FREM2: variants seen among roughly 807,000 people sequenced by gnomAD.
The protein encoded by FREM2 is FRAS1 related extracellular matrix 2.
FREM2 carries 119 observed loss-of-function variants against 219.9 expected under a neutral mutation model. The observed-to-expected ratio is 0.54, with a 90% confidence interval of 0.47 to 0.63. FREM2 has a LOEUF of 0.63. FREM2 is among the 30% of genes least tolerant of loss of function. The probability of loss-of-function intolerance (pLI) is 0.00; values close to 1 mark genes in which losing one functional copy is unlikely to be tolerated. For synonymous variants in FREM2, 1,562 were observed against 1,522.8 expected (o/e 1.03, Z -0.60); for missense variants, 4,030 against 3,993.6 (o/e 1.01, Z -0.25).
At chr13:38,840,075 C>T (rs746562114) in intron 6 of FREM2, among the ~76,000 whole-genome samples, 1 of 152,110 alleles carries the variant, frequency 6.6e-6, no homozygotes, top group Non-Finnish European at 1.5e-5. Flanking sequence ...AACTCAGGGC[C>T]CTGGTGGTAT....
intron 6 of FREM2, among the ~76,000 whole-genome samples, chr13:38,813,044 A>G (rs1243314403): frequency 4.6e-5 from 7 of 151,590 alleles, no homozygotes; most frequent in Non-Finnish European, 8.8e-5. Context: ...TACAGTTATT[A>G]TTTTTGATGG....
At chr13:38,765,424 A>G (rs1873398933) in intron 3 of FREM2, among the ~76,000 whole-genome samples, 2 of 152,220 alleles carry the variant, frequency 1.3e-5, no homozygotes, top group Admixed American at 6.5e-5. Context: ...GAGTGAGATT[A>G]TCAACTAAGG....
chr13:38,769,167 T>C (rs1873554693), intron 3 of FREM2, among the ~76,000 whole-genome samples: 1 of 152,208 alleles, frequency 6.6e-6, no homozygotes, highest in African/African-American at 2.4e-5. Flanking sequence ...TATTGGCTTA[T>C]ATTTTATAGT....
intron 9 of FREM2, 58 bp from the exon 10 acceptor site, chr13:38,850,886 T>G: frequency 6.3e-7 from 1 of 1,590,406 alleles, no homozygotes; most frequent in South Asian, 1.1e-5. Context: ...GTGCTCACAT[T>G]CTAGTTGTAG....
intron 1 of FREM2, among the ~76,000 whole-genome samples, chr13:38,695,167 A>G (rs1870054903): frequency 6.6e-6 from 1 of 152,214 alleles, no homozygotes; most frequent in Non-Finnish European, 1.5e-5. Flanking sequence ...TAAGAAAGCT[A>G]GACGTTATTA....
Position 38,689,008 on chromosome 13 carries a change from C to T in FREM2, c.1664C>T (p.Pro555Leu). Residue 555 changes from proline to leucine, a missense_variant, in exon 1 of 24, where the codon CCT (proline) becomes CTT (leucine). Transcript: ENST00000280481. ...VQFLFPITLV[P>L]VDDQPPVLNA... The stretch of plus-strand genomic sequence containing the variant: ...TTTCTGTTCCCCATCACCTTAGTGC[C>T]TGTGGATGACCAGCCACCTGTTCTC... 1.2e-6 allele frequency: 2 copies of T among 1,614,004 alleles called. No homozygotes were observed. Among genetic ancestry groups the T allele is most frequent in the South Asian group, 1.1e-5 (1 of 91,070 alleles).
chr13:38,873,057 C>A (rs919399089), intron 17 of FREM2, 123 bp downstream of exon 17: 3 of 790,356 alleles, frequency 3.8e-6, no homozygotes, highest in Admixed American at 2.3e-5. Context: ...CATTTTCTAT[C>A]TATAATAAGA....
intron 4 of FREM2, among the ~76,000 whole-genome samples, chr13:38,773,420 T>TCA (rs1873749092): frequency 1.3e-5 from 2 of 151,872 alleles, no homozygotes; most frequent in Admixed American, 6.6e-5. Context: ...AGACGGTATC[T>TCA]CACTCTGTCG....
chr13:38,697,925 C>T (rs1440539669), intron 2 of FREM2, 138 bp downstream of exon 2: 2 of 702,950 alleles, frequency 2.8e-6, no homozygotes, highest in African/African-American at 1.8e-5. Context: ...TTGCTGTAGA[C>T]AATTTTACAA....
rs372166899 is a variant in FREM2, at chr13:38,689,473, G to T, written c.2129G>T (p.Arg710Leu). 1.2e-6 allele frequency: 2 copies of T among 1,614,044 alleles called. No homozygotes were observed. Among genetic ancestry groups the T allele is most frequent in the Admixed American group, 1.7e-5 (1 of 60,006 alleles). Reference sequence around the variant, plus strand: ...GAGCTGGGCAGTGGCTGTCCCCTTCGTATGGTGGTACAGGAATCCCAGCTC... The same window carrying T: ...GAGCTGGGCAGTGGCTGTCCCCTTCTTATGGTGGTACAGGAATCCCAGCTC... ...PPELGSGCPLRMVVQESQLTP... is the reference protein window; with the variant it reads ...PPELGSGCPLLMVVQESQLTP... The change falls in exon 1 of 24, where the codon CGT (arginine) becomes CTT (leucine). Residue 710 changes from arginine to leucine, a missense_variant. Physicochemically the swap from Arg to Leu is moderately radical, Grantham distance 102 (BLOSUM62 -2). This residue lies in a region of FREM2 where 3,102 missense variants were observed against 2,950.7 expected (regional missense o/e 1.05). Transcript: ENST00000280481.
At chr13:38,774,790 A>C (rs924858381) in intron 4 of FREM2, among the ~76,000 whole-genome samples, 1 of 152,226 alleles carries the variant, frequency 6.6e-6, no homozygotes, top group African/African-American at 2.4e-5. Context: ...GGGAGAAAAC[A>C]ACCTCAAATA....
At chr13:38,707,171 A>G (rs1261613341) in intron 2 of FREM2, among the ~76,000 whole-genome samples, 2 of 152,230 alleles carry the variant, frequency 1.3e-5, no homozygotes, top group African/African-American at 2.4e-5. Flanking sequence ...AGGGAATATT[A>G]TGTTAAAGAA....
In FREM2 at chr13:38,769,718, G is replaced by A. The variant is rs1221006016; in HGVS notation, c.5551G>A (p.Glu1851Lys). ...GAGTGATGGGGAGCATGAGCAGTCT[G>A]AAACCTTTCAGGTGGTACTCTCAGA... ...ILSDGEHEQS[E>K]TFQVVLSEPV... Residue 1851 changes from glutamate to lysine, a missense_variant, in exon 4 of 24, where the codon GAA (glutamate) becomes AAA (lysine). Glu to Lys is a moderately conservative substitution (Grantham distance 56). Transcript: ENST00000280481. 1.2e-6 allele frequency: 2 copies of A among 1,614,022 alleles called. No individual in the cohort carries two copies. The highest frequency in any genetic ancestry group is 2.7e-5 in the African/African-American group (2 of 74,930).
intron 2 of FREM2, among the ~76,000 whole-genome samples, chr13:38,731,604 C>T (rs753307761): frequency 1.2e-4 from 18 of 152,162 alleles, no homozygotes; most frequent in African/African-American, 2.7e-4. Context: ...GGTCAATCTA[C>T]GGATTATGGA....
chr13:38,767,181 C>G (rs1016138519), intron 3 of FREM2, among the ~76,000 whole-genome samples: 1 of 152,220 alleles, frequency 6.6e-6, no homozygotes, highest in African/African-American at 2.4e-5. Flanking sequence ...GATCCCACAA[C>G]TGTTATATGG....
rs1877863209 is a variant in FREM2, at chr13:38,864,129, T to C, written c.7652-146T>C. The stretch of plus-strand genomic sequence containing the variant: ...CAGGCATGAGCCACGTCACCGGGCC[T>C]GGACACCACTTTGATCTGTATGCCA... On this transcript the variant is annotated intron_variant, in intron 15 of 23. Transcript: ENST00000280481. 4.4e-6 allele frequency: 3 copies of C among 689,026 alleles called. No individual in the cohort carries two copies. The Admixed American group carries it at 6.5e-5, about 15-fold the overall frequency. 42.7% of individuals were successfully genotyped at this position (689,026 alleles called of 1,614,324 possible).
intron 16 of FREM2, among the ~76,000 whole-genome samples, chr13:38,869,795 G>T (rs77008268): frequency 0.02 from 3,022 of 152,268 alleles, 100 homozygotes; most frequent in African/African-American, 0.068. Context: ...GGTTATTAAA[G>T]TTAAATTAAG....
At chr13:38,740,668 G>A (rs112497440) in intron 2 of FREM2, among the ~76,000 whole-genome samples, 1 of 152,110 alleles carries the variant, frequency 6.6e-6, no homozygotes, top group Non-Finnish European at 1.5e-5. Flanking sequence ...AGTGCTATTG[G>A]CCCTGTGGGC....
At chr13:38,790,220 A>C (rs912101102) in intron 6 of FREM2, among the ~76,000 whole-genome samples, 1 of 152,014 alleles carries the variant, frequency 6.6e-6, no homozygotes, top group African/African-American at 2.4e-5. Flanking sequence ...TTTTATTCTA[A>C]CTCACACATC....
Sources: allele counts gnomAD v4.1 joint callset (sites outside exome capture counted in the v4.1 genomes callset), GRCh38; gene constraint gnomAD v4.1.1; regional missense constraint gnomAD v4.1.1; transcripts MANE v1.5; gene names NCBI Gene and HGNC (gene_info 2026-07-23, HGNC 2026-07-21).